The following CACNB2 variants were observed in gnomAD, a reference collection of about 807,000 sequenced individuals.
CACNB2 encodes calcium voltage-gated channel auxiliary subunit beta 2, also known as voltage-dependent L-type calcium channel subunit beta-2.
Under a neutral mutation model 73.3 loss-of-function variants are expected in CACNB2, and 42 were observed. That is an observed-to-expected ratio of 0.57 (90% CI 0.45 to 0.74). The LOEUF is 0.74. Ranked by LOEUF, CACNB2 falls within the 30% of genes least tolerant of loss-of-function variation. CACNB2 has a pLI of 0.00. For missense variants in CACNB2, 940 were observed against 853.0 expected, an observed-to-expected ratio of 1.10 and a Z score of -1.27; for synonymous variants, 348 against 310.3, an observed-to-expected ratio of 1.12 and a Z score of -1.28.
chr10:18,500,979 A>T, intron 5 of CACNB2, 31 bp downstream of exon 5: 1 of 1,604,272 alleles, frequency 6.2e-7, no homozygotes, highest in Non-Finnish European at 8.5e-7. Flanking sequence ...GTTTGCATAA[A>T]ACTTAGATTA....
chr10:18,285,885 G>A lies in CACNB2; in HGVS notation c.214-116039G>A, dbSNP rs1448537888. On this transcript the variant is annotated intron_variant, in intron 2 of 13. Transcript: ENST00000324631. ...ATAACCTTACAGATGAAATTCTTAA[G>A]TGTATTGTCAACCCTTTTGTAGTCT... 1.3e-5 allele frequency among the ~76,000 whole-genome samples: 2 copies of A among 152,122 alleles called. 1 individual carries two copies. Among genetic ancestry groups the A allele is most frequent in the Admixed American group, 1.3e-4 (2 of 15,282 alleles).
chr10:18,163,711 G>C (rs561742234), intron 2 of CACNB2, among the ~76,000 whole-genome samples: 1 of 152,120 alleles, frequency 6.6e-6, no homozygotes, highest in Non-Finnish European at 1.5e-5. Context: ...TTTTTCTACC[G>C]GTTTGGAACT....
chr10:18,266,745 C>T (rs1164985036), intron 2 of CACNB2, among the ~76,000 whole-genome samples: 1 of 152,078 alleles, frequency 6.6e-6, no homozygotes, highest in Admixed American at 6.6e-5. Context: ...AAGAACTTAG[C>T]CGTGCGTGGT....
chr10:18,275,140 C>T (rs2038224535), intron 2 of CACNB2, among the ~76,000 whole-genome samples: 1 of 152,180 alleles, frequency 6.6e-6, no homozygotes, highest in East Asian at 1.9e-4. Flanking sequence ...ACCGGGATTT[C>T]ACTCTGACAG....
At chr10:18,535,490 C>A (rs911267081) in intron 11 of CACNB2, among the ~76,000 whole-genome samples, 1 of 152,066 alleles carries the variant, frequency 6.6e-6, no homozygotes, top group East Asian at 1.9e-4. Context: ...AAAAAAAATT[C>A]GGCCGGGCGC....
At chr10:18,267,200 T>G (rs117923122) in intron 2 of CACNB2, among the ~76,000 whole-genome samples, 119,302 of 151,594 alleles carry the variant, frequency 0.79, 47,285 homozygotes, top group East Asian at 0.99. Context: ...ACTGCATTTT[T>G]TTTTTATTAA....
chr10:18,230,698 GA>G (rs747452439), intron 2 of CACNB2, among the ~76,000 whole-genome samples: 9 of 152,128 alleles, frequency 5.9e-5, no homozygotes, highest in Non-Finnish European at 1.2e-4. Flanking sequence ...AGAGTATTAA[GA>G]ATATTAAAGA....
intron 2 of CACNB2, among the ~76,000 whole-genome samples, chr10:18,379,539 A>C (rs948141121): frequency 1.3e-5 from 2 of 152,088 alleles, no homozygotes; most frequent in Non-Finnish European, 2.9e-5. Context: ...TTAAGTGTAC[A>C]GTTCTACAGC....
At chr10:18,382,221 G>T (rs2043049084) in intron 2 of CACNB2, among the ~76,000 whole-genome samples, 1 of 151,870 alleles carries the variant, frequency 6.6e-6, no homozygotes, top group Admixed American at 6.6e-5. Context: ...CTCCAGCATT[G>T]TCTAGAATTT....
intron 2 of CACNB2, among the ~76,000 whole-genome samples, chr10:18,356,403 T>C (rs2132173599): frequency 6.6e-6 from 1 of 152,270 alleles, no homozygotes; most frequent in Admixed American, 6.5e-5. Context: ...ACCTTTCTGG[T>C]CTTGCTGGAT....
intron 2 of CACNB2, among the ~76,000 whole-genome samples, chr10:18,395,991 C>G: frequency 6.6e-6 from 1 of 152,222 alleles, no homozygotes; most frequent in Middle Eastern, 3.2e-3. Context: ...GGGTCTCCCT[C>G]TGTCACCCAA....
chr10:18,236,478 A>G (rs758364557), intron 2 of CACNB2, among the ~76,000 whole-genome samples: 14 of 152,204 alleles, frequency 9.2e-5, no homozygotes, highest in Non-Finnish European at 1.6e-4. Flanking sequence ...GTCTTGGACA[A>G]TCTTATCTTA....
chr10:18,404,583 C>T (rs754372509), intron 3 of CACNB2, among the ~76,000 whole-genome samples: 2 of 152,176 alleles, frequency 1.3e-5, no homozygotes, highest in South Asian at 4.1e-4. Context: ...ATCTCTCAAA[C>T]AGAAAGACTC....
chr10:18,180,451 CT>C (rs75790306), intron 2 of CACNB2, among the ~76,000 whole-genome samples: 7,343 of 144,956 alleles, frequency 0.051, 326 homozygotes, highest in African/African-American at 0.12. Flanking sequence ...GTAAGGCTGC[CT>C]TTTTTTTTTT....
chr10:18,383,770 A>G (rs943390108), intron 2 of CACNB2, among the ~76,000 whole-genome samples: 2 of 152,142 alleles, frequency 1.3e-5, no homozygotes, highest in East Asian at 1.9e-4. Flanking sequence ...CAGTGGCTCA[A>G]TCTCGACTCG....
intron 3 of CACNB2, among the ~76,000 whole-genome samples, chr10:18,429,249 C>G (rs1171260795): frequency 1.3e-5 from 2 of 152,164 alleles, no homozygotes; most frequent in African/African-American, 2.4e-5. Flanking sequence ...GTTGAGGAGT[C>G]AACTCTCATT....
chr10:18,538,140 G>A (rs1344837691), intron 12 of CACNB2, 40 bp from the exon 13 acceptor site: 5 of 1,606,834 alleles, frequency 3.1e-6, no homozygotes, highest in Admixed American at 3.3e-5. Flanking sequence ...GGTGAAAACT[G>A]GGCTGGCATC....
intron 2 of CACNB2, among the ~76,000 whole-genome samples, chr10:18,298,057 G>T (rs1180437721): frequency 6.6e-6 from 1 of 152,150 alleles, no homozygotes; most frequent in African/African-American, 2.4e-5. Flanking sequence ...AGACAGTGCA[G>T]GAAAAATATC....
At chr10:18,319,848 G>T (rs1309809621) in intron 2 of CACNB2, among the ~76,000 whole-genome samples, 1 of 152,116 alleles carries the variant, frequency 6.6e-6, no homozygotes, top group Non-Finnish European at 1.5e-5. Context: ...AAGGTGGAGA[G>T]AGTTCTGGAC....
Sources: allele counts gnomAD v4.1 joint callset (sites outside exome capture counted in the v4.1 genomes callset), GRCh38; gene constraint gnomAD v4.1.1; transcripts MANE v1.5; gene names NCBI Gene and HGNC (gene_info 2026-07-23, HGNC 2026-07-21).